SLC4A10: variants seen among roughly 807,000 people sequenced by gnomAD.
SLC4A10 encodes sodium-driven chloride bicarbonate exchanger.
Under a neutral mutation model 137.7 loss-of-function variants are expected in SLC4A10, and 42 were observed. That is an observed-to-expected ratio of 0.30 (90% CI 0.24 to 0.39). The LOEUF (loss-of-function observed/expected upper bound fraction) is 0.39. SLC4A10 is among the 10% of genes least tolerant of loss of function. The pLI is 1.00. For synonymous variants in SLC4A10, 474 were observed against 464.1 expected (o/e 1.02, Z -0.27); for missense variants, 925 against 1,355.0 (o/e 0.68, Z 4.98).
chr2:161,948,597 G>T (rs1053752559), intron 17 of SLC4A10, among the ~76,000 whole-genome samples: 1 of 152,110 alleles, frequency 6.6e-6, no homozygotes, highest in Non-Finnish European at 1.5e-5. Flanking sequence ...CTTTATAAAT[G>T]AGAAATGGCT....
At chr2:161,685,700 G>T (rs2041332026) in intron 1 of SLC4A10, among the ~76,000 whole-genome samples, 1 of 151,914 alleles carries the variant, frequency 6.6e-6, no homozygotes, top group African/African-American at 2.4e-5. Context: ...TTGTACACTA[G>T]TAAGTGGTGA....
chr2:161,891,982 T>G (rs2062976593), intron 10 of SLC4A10, among the ~76,000 whole-genome samples: 1 of 152,020 alleles, frequency 6.6e-6, no homozygotes, highest in Non-Finnish European at 1.5e-5. Flanking sequence ...TGATATACAC[T>G]GAAATCAGAC....
At chr2:161,704,545 A>G (rs1177627874) in intron 1 of SLC4A10, among the ~76,000 whole-genome samples, 1 of 151,590 alleles carries the variant, frequency 6.6e-6, no homozygotes, top group Non-Finnish European at 1.5e-5. Flanking sequence ...TTTATGAAAA[A>G]CAATGAAGTC....
intron 1 of SLC4A10, among the ~76,000 whole-genome samples, chr2:161,720,073 A>T (rs963740160): frequency 2.6e-5 from 4 of 152,198 alleles, no homozygotes; most frequent in African/African-American, 9.7e-5. Flanking sequence ...ATTTTTGTAT[A>T]AGGTGTAAGG....
chr2:161,885,575 T>C (rs2062198128), intron 10 of SLC4A10, among the ~76,000 whole-genome samples: 1 of 152,230 alleles, frequency 6.6e-6, no homozygotes, highest in South Asian at 2.1e-4. Context: ...ATCATACCAA[T>C]ATTCTATCTT....
Position 161,882,337 on chromosome 2 carries a change from T to G in SLC4A10, c.1107-20T>G. The G allele has an allele frequency of 6.9e-7, 1 of 1,448,994 alleles. No homozygotes were observed. The highest frequency in any genetic ancestry group is 9.4e-7 in the Non-Finnish European group (1 of 1,068,400). 89.8% of individuals were successfully genotyped at this position (1,448,994 alleles called of 1,614,324 possible). A position where few individuals can be genotyped will look rare whatever the true frequency, so the allele number is the denominator to read the frequency against. On this transcript the variant is annotated intron_variant, in intron 9 of 26. Transcript: ENST00000446997. Reference sequence around the variant, plus strand: ...TTTTATATTTCTACCTTAAAACATTTTTTTTCTTCTTAATTACAGATTTTT... The same window carrying G: ...TTTTATATTTCTACCTTAAAACATTGTTTTTCTTCTTAATTACAGATTTTT...
intron 10 of SLC4A10, among the ~76,000 whole-genome samples, chr2:161,890,110 C>G (rs980090912): frequency 1.3e-5 from 2 of 152,298 alleles, no homozygotes; most frequent in African/African-American, 4.8e-5. Flanking sequence ...GAGTGAGTTT[C>G]TTAATCCTGA....
At chr2:161,834,838 A>G (rs912999490) in intron 3 of SLC4A10, among the ~76,000 whole-genome samples, 4 of 152,136 alleles carry the variant, frequency 2.6e-5, no homozygotes, top group African/African-American at 4.8e-5. Flanking sequence ...GTCCCCAAGC[A>G]GTTTCTCTAA....
At chr2:161,767,827 C>G (rs937394579) in intron 1 of SLC4A10, among the ~76,000 whole-genome samples, 3 of 151,914 alleles carry the variant, frequency 2.0e-5, no homozygotes, top group Admixed American at 6.6e-5. Flanking sequence ...TCTCAGTTTG[C>G]CCCCCAAAAC....
chr2:161,831,923 T>A (rs1187909893), intron 3 of SLC4A10, among the ~76,000 whole-genome samples: 1 of 152,132 alleles, frequency 6.6e-6, no homozygotes, highest in African/African-American at 2.4e-5. Flanking sequence ...TTCCCAAACA[T>A]CTTTTGGGCA....
At chr2:161,737,350 A>C (rs1043163398) in intron 1 of SLC4A10, among the ~76,000 whole-genome samples, 3 of 151,998 alleles carry the variant, frequency 2.0e-5, no homozygotes, top group Non-Finnish European at 4.4e-5. Context: ...ACGATTCTCT[A>C]TGTCTGGACT....
chr2:161,913,077 T>C (rs954780174), intron 15 of SLC4A10, among the ~76,000 whole-genome samples: 2 of 152,158 alleles, frequency 1.3e-5, no homozygotes, highest in African/African-American at 4.8e-5. Flanking sequence ...AAACAGATTA[T>C]AGGAAGTGCT....
intron 3 of SLC4A10, among the ~76,000 whole-genome samples, chr2:161,836,145 T>G (rs2058752246): frequency 6.6e-6 from 1 of 151,292 alleles, no homozygotes; most frequent in Non-Finnish European, 1.5e-5. Flanking sequence ...TTGATTCTGC[T>G]GTCACTATAT....
chr2:161,714,798 G>A (rs1437120453), intron 1 of SLC4A10, among the ~76,000 whole-genome samples: 1 of 151,890 alleles, frequency 6.6e-6, no homozygotes, highest in African/African-American at 2.4e-5. Context: ...TTTCATCTGT[G>A]AAATGAGGAC....
At chr2:161,800,013 A>C (rs962930257) in intron 2 of SLC4A10, among the ~76,000 whole-genome samples, 1 of 152,042 alleles carries the variant, frequency 6.6e-6, no homozygotes, top group Non-Finnish European at 1.5e-5. Flanking sequence ...GAGAATGAGA[A>C]GGTCCTGGTT....
At chr2:161,922,147 A>C (rs930008341) in intron 15 of SLC4A10, among the ~76,000 whole-genome samples, 3 of 152,204 alleles carry the variant, frequency 2.0e-5, no homozygotes, top group Non-Finnish European at 4.4e-5. Flanking sequence ...AAATATTTCC[A>C]AACTTATATA....
intron 2 of SLC4A10, among the ~76,000 whole-genome samples, chr2:161,792,650 A>G (rs1251478613): frequency 1.3e-5 from 2 of 152,150 alleles, no homozygotes; most frequent in East Asian, 1.9e-4. Context: ...TCGCCTTTCT[A>G]TAGAGTCCTC....
chr2:161,733,823 C>G (rs2047052721), intron 1 of SLC4A10, among the ~76,000 whole-genome samples: 1 of 152,214 alleles, frequency 6.6e-6, no homozygotes, highest in Admixed American at 6.5e-5. Context: ...CTGCCCAAGA[C>G]TATGGGAACC....
At chr2:161,900,788 C>G in intron 11 of SLC4A10, 123 bp from the exon 12 acceptor site, 1 of 649,540 alleles carries the variant, frequency 1.5e-6, no homozygotes, top group Non-Finnish European at 2.6e-6. Context: ...CAAGTAAGTA[C>G]AGAGCCTGGG....
Sources: allele counts gnomAD v4.1 joint callset (sites outside exome capture counted in the v4.1 genomes callset), GRCh38; gene constraint gnomAD v4.1.1; transcripts MANE v1.5; gene names NCBI Gene and HGNC (gene_info 2026-07-23, HGNC 2026-07-21).